Variants in PLCG1 observed in about 807,000 individuals in gnomAD.
The protein encoded by PLCG1 is phospholipase C gamma 1.
In PLCG1, 71 loss-of-function variants were observed where a neutral mutation model predicts 177.8. The ratio of observed to expected loss-of-function variants is 0.40; its 90% CI spans 0.33 to 0.49. The LOEUF (loss-of-function observed/expected upper bound fraction) is 0.49. Among genes scored for constraint, PLCG1 ranks in the 20% least tolerant of loss-of-function variants. The pLI is 0.72. For missense variants in PLCG1, 1,281 were observed against 1,709.0 expected, an observed-to-expected ratio of 0.75 and a Z score of 4.42; for synonymous variants, 658 against 647.9, an observed-to-expected ratio of 1.02 and a Z score of -0.24.
Position 41,172,179 on chromosome 20 carries a change from G to C in PLCG1, c.2809-14G>C, listed in dbSNP as rs1386789459. On this transcript the variant is annotated splice_polypyrimidine_tract_variant and intron_variant, in intron 24 of 31. Coordinates refer to ENST00000685551, the MANE Select transcript of PLCG1 (RefSeq NM_002660.3). The surrounding 1 kb of genome is among the most constrained non-coding windows in gnomAD (Gnocchi z 7.0). ...CTGTAGCCTGGGGCTACAGGGCCTT[G>C]TGTGTGTCACCAGCTCACTGAAGGG... The C allele has an allele frequency of 6.2e-7, 1 of 1,602,966 alleles. No homozygotes were observed. The highest frequency in any genetic ancestry group is 8.5e-7 in the Non-Finnish European group (1 of 1,169,922).
At position 41,166,149 on chromosome 20, in the gene PLCG1, C is replaced by T; in HGVS notation, c.1800-45C>T. 1.9e-6 allele frequency: 3 copies of T among 1,558,092 alleles called. No homozygotes were observed. The highest frequency in any genetic ancestry group is 2.6e-6 in the Non-Finnish European group (3 of 1,137,696). ...TGGGGTGGAACTTGGTCTTTGGGGC[C>T]CTGGCCTGTTTTCCCCAGCCTCCCT... On this transcript the variant is annotated intron_variant, in intron 16 of 31. Transcript: ENST00000685551. The surrounding 1 kb of genome is among the most constrained non-coding windows in gnomAD (Gnocchi z 8.6).
intron 1 of PLCG1, among the ~76,000 whole-genome samples, chr20:41,138,495 T>C (rs1468375598): frequency 3.5e-4 from 53 of 149,854 alleles, no homozygotes; most frequent in Non-Finnish European, 6.3e-4. Flanking sequence ...TTTTTTTTTT[T>C]CTGCTACTTT....
intron 20 of PLCG1, among the ~76,000 whole-genome samples, 184 bp from the exon 21 acceptor site, chr20:41,168,583 C>T (rs1272632525): frequency 2.0e-5 from 3 of 152,240 alleles, no homozygotes; most frequent in Non-Finnish European, 4.4e-5. Flanking sequence ...CATATCTGTC[C>T]TGGAGCTTCC....
chr20:41,166,624 C>T lies in PLCG1; in HGVS notation c.2120+29C>T, dbSNP rs377176541. ...AGGGGTGTGGCACTGGGTTGTGGGGCCTTGCTTGGGTCTGAGCTGCCCTGA... is the reference window on the plus strand; with the variant it reads ...AGGGGTGTGGCACTGGGTTGTGGGGTCTTGCTTGGGTCTGAGCTGCCCTGA... On this transcript the variant is annotated intron_variant, in intron 18 of 31. Transcript: ENST00000685551. The surrounding 1 kb of genome is among the most constrained non-coding windows in gnomAD (Gnocchi z 8.6). The T allele has an allele frequency of 1.2e-5, 20 of 1,614,012 alleles. No homozygotes were observed. Among genetic ancestry groups the T allele is most frequent in the Admixed American group, 1.7e-5 (1 of 60,026 alleles).
At chr20:41,141,382 T>G (rs1184893366) in intron 1 of PLCG1, among the ~76,000 whole-genome samples, 1 of 152,026 alleles carries the variant, frequency 6.6e-6, no homozygotes, top group Non-Finnish European at 1.5e-5. Flanking sequence ...ATGAAGAGGG[T>G]GAGGGTGGCG....
Position 41,173,938 on chromosome 20 carries a change from C to T in PLCG1, c.3572C>T (p.Pro1191Leu). Residue 1191 changes from proline (P) to leucine (L), a missense_variant, in exon 30 of 32, where the codon CCT becomes CTT. Pro to Leu is a moderately conservative substitution (Grantham distance 98, BLOSUM62 -3). This residue lies in a region of PLCG1 where 153 missense variants were observed against 153.2 expected (regional missense o/e 1.00). Coordinates refer to ENST00000685551, the MANE Select transcript of PLCG1 (RefSeq NM_002660.3). The surrounding 1 kb of genome is among the most constrained non-coding windows in gnomAD (Gnocchi z 6.2). ...CTCCTCCTAGGATACAGAGCAGTGC[C>T]TTTGAAGAACAACTACAGTGAGGAC... Reference protein sequence around the residue: ...KGLKTGYRAVPLKNNYSEDLE... With the variant: ...KGLKTGYRAVLLKNNYSEDLE... 6.2e-7 allele frequency: 1 copy of T among 1,614,100 alleles called. No individual in the cohort carries two copies. Among genetic ancestry groups the T allele is most frequent in the South Asian group, 1.1e-5 (1 of 91,090 alleles).
In PLCG1 at chr20:41,144,221, C is replaced by T. The variant is rs1472716365; in HGVS notation, c.217+6363C>T. Among the ~76,000 whole-genome samples, 1 of 152,222 alleles carries T rather than the reference C, an allele frequency of 6.6e-6. No homozygotes were observed. The highest frequency in any genetic ancestry group is 2.4e-5 in the African/African-American group (1 of 41,462). ...GAAAACCAAGCCCTAAGGGTAAGGT[C>T]ACATAGCAAGTTCATGGCAGATCCT... On this transcript the variant is annotated intron_variant, in intron 1 of 31. Coordinates refer to ENST00000685551, the MANE Select transcript of PLCG1 (RefSeq NM_002660.3). This position sits in a 1 kb window ranked among gnomAD's most constrained non-coding sequence, Gnocchi z 4.1.
In PLCG1 at chr20:41,163,771, A is replaced by G; in HGVS notation, c.948A>G (p.Ala316=). Residue 316 remains alanine (A), a synonymous_variant, in exon 10 of 32, where the codon GCA becomes GCG. Coordinates refer to ENST00000685551, the MANE Select transcript of PLCG1 (RefSeq NM_002660.3). This position sits in a 1 kb window ranked among gnomAD's most constrained non-coding sequence, Gnocchi z 5.2. The part of the protein sequence containing the change: ...ENSVWNSQLD[A]VCPDTMNNPL... The stretch of plus-strand genomic sequence containing the variant: ...GTGTGTGGAACTCGCAGCTGGATGC[A>G]GTATGCCCGGACACCATGAACAACC... The G allele has an allele frequency of 6.2e-7, 1 of 1,613,902 alleles. No individual in the cohort carries two copies. The highest frequency in any genetic ancestry group is 1.1e-5 in the South Asian group (1 of 91,078).
chr20:41,172,567 C>G lies in PLCG1; in HGVS notation c.3052C>G (p.Leu1018Val). The G allele has an allele frequency of 6.2e-7, 1 of 1,614,250 alleles. No homozygotes were observed. The highest frequency in any genetic ancestry group is 8.5e-7 in the Non-Finnish European group (1 of 1,180,040). The stretch of plus-strand genomic sequence containing the variant: ...CCGCATCTACCCCAAGGGCCAGCGA[C>G]TGGATTCCTCCAACTACGATCCTTT... ...LSRIYPKGQRLDSSNYDPLPM... is the reference protein window; with the variant it reads ...LSRIYPKGQRVDSSNYDPLPM... The change falls in exon 26 of 32, where the codon CTG becomes GTG. Residue 1018 changes from leucine (L) to valine (V), a missense_variant. Transcript: ENST00000685551. The surrounding 1 kb of genome is among the most constrained non-coding windows in gnomAD (Gnocchi z 7.0).
At position 41,163,899 on chromosome 20, in the gene PLCG1, C is replaced by T. The variant is rs747232106; in HGVS notation, c.1011-22C>T. On this transcript the variant is annotated intron_variant, in intron 10 of 31. Transcript: ENST00000685551. The surrounding 1 kb of genome is among the most constrained non-coding windows in gnomAD (Gnocchi z 5.2). ...GGAGGGCCCATCTGACCATACCTAC[C>T]TGCCTCTCCTTGCCTATCCAGGTAC... 1.2e-6 allele frequency: 2 copies of T among 1,613,022 alleles called. No homozygotes were observed. The highest frequency in any genetic ancestry group is 1.7e-6 in the Non-Finnish European group (2 of 1,179,040).
chr20:41,163,530 C>T lies in PLCG1; in HGVS notation c.891+51C>T. On this transcript the variant is annotated intron_variant, in intron 9 of 31. Transcript: ENST00000685551. The surrounding 1 kb of genome is among the most constrained non-coding windows in gnomAD (Gnocchi z 5.2). The stretch of plus-strand genomic sequence containing the variant: ...TTGTCAAGAGAATGAGTAGGGGTGA[C>T]CAGGACCCCACCCGGGCTCCAGGAG... 7.5e-7 allele frequency: 1 copy of T among 1,337,118 alleles called. No individual in the cohort carries two copies. Among genetic ancestry groups the T allele is most frequent in the Non-Finnish European group, 1.1e-6 (1 of 931,776 alleles). 82.8% of individuals were successfully genotyped at this position (1,337,118 alleles called of 1,614,324 possible).
chr20:41,149,612 GAGAGGA>G (rs1281743137), intron 1 of PLCG1, among the ~76,000 whole-genome samples: 1 of 152,208 alleles, frequency 6.6e-6, no homozygotes, highest in Non-Finnish European at 1.5e-5. Context: ...AGCTTAAGAG[GAGAGGA>G]CTAGGCTAGA....
rs761525640 is a variant in PLCG1, at chr20:41,172,221, GGAA to G, written c.2843_2845del (p.Lys948del). The G allele has an allele frequency of 6.2e-7, 1 of 1,614,076 alleles. No homozygotes were observed. Among genetic ancestry groups the G allele is most frequent in the Admixed American group, 1.7e-5 (1 of 60,030 alleles). ...ACTGAAGGGAAGATAATGGAACGGAGGAAGAAGATTGCCCTGGAGCTCTCTGAA... is the reference window on the plus strand; with the variant it reads ...ACTGAAGGGAAGATAATGGAACGGAGGAAGATTGCCCTGGAGCTCTCTGAA... On this transcript the variant is annotated inframe_deletion, in exon 25 of 32. Coordinates refer to ENST00000685551, the MANE Select transcript of PLCG1 (RefSeq NM_002660.3). This position sits in a 1 kb window ranked among gnomAD's most constrained non-coding sequence, Gnocchi z 7.0.
At chr20:41,141,005 C>T (rs1437237845) in intron 1 of PLCG1, among the ~76,000 whole-genome samples, 1 of 152,174 alleles carries the variant, frequency 6.6e-6, no homozygotes, top group Admixed American at 6.5e-5. Context: ...TGTGCTCAGA[C>T]CATGCATTAC....
rs745410145 is a variant in PLCG1 at position 41,165,434 on chromosome 20, C to CT, written c.1510-13dup. On this transcript the variant is annotated splice_polypyrimidine_tract_variant and intron_variant, in intron 14 of 31. Coordinates refer to ENST00000685551, the MANE Select transcript of PLCG1 (RefSeq NM_002660.3). This position sits in a 1 kb window ranked among gnomAD's most constrained non-coding sequence, Gnocchi z 6.6. ...TGAGGACCCTGGCTCACAAGTCCCT[C>CT]TTTGGTCTGTTCCAGGAATGGTATC... is the stretch of plus-strand genomic sequence containing the variant. 103 of 1,613,830 alleles carry CT rather than the reference C, an allele frequency of 6.4e-5. No homozygotes were observed. The African/African-American group carries it at 1.3e-3, about 21-fold the overall frequency.
rs559871621 is a variant in PLCG1 at position 41,156,949 on chromosome 20, A to G, written c.218-2657A>G. ...ATTTGTTCTGGGAGGCAGGAAGATG[A>G]AGGGTGAGGTTGGGAGGTAGCACAG... On this transcript the variant is annotated intron_variant, in intron 1 of 31. Coordinates refer to ENST00000685551, the MANE Select transcript of PLCG1 (RefSeq NM_002660.3). The surrounding 1 kb of genome is among the most constrained non-coding windows in gnomAD (Gnocchi z 5.0). Among the ~76,000 whole-genome samples the G allele has an allele frequency of 2.6e-3, 392 of 152,334 alleles. 3 individuals are homozygous for G. Among genetic ancestry groups the G allele is most frequent in the African/African-American group, 8.8e-3 (367 of 41,568 alleles).
At position 41,173,810 on chromosome 20, in the gene PLCG1, A is replaced by G; in HGVS notation, c.3553A>G (p.Thr1185Ala). ...TACTTTCCCAGTAAAAGGCCTGAAG[A>G]CAGGTGAGGACCATTCCTGGAGGCA... ...QATFPVKGLKTGYRAVPLKNN... is the reference protein window; with the variant it reads ...QATFPVKGLKAGYRAVPLKNN... Residue 1185 changes from threonine (T) to alanine (A), a missense_variant, in exon 29 of 32, where the codon ACA becomes GCA. Thr to Ala is a moderately conservative substitution (Grantham distance 58). This residue lies in a region of PLCG1 where 153 missense variants were observed against 153.2 expected (regional missense o/e 1.00). Coordinates refer to ENST00000685551, the MANE Select transcript of PLCG1 (RefSeq NM_002660.3). The surrounding 1 kb of genome is among the most constrained non-coding windows in gnomAD (Gnocchi z 6.2). 2 of 1,613,406 alleles carry G rather than the reference A, an allele frequency of 1.2e-6. No individual in the cohort carries two copies. Among genetic ancestry groups the G allele is most frequent in the Non-Finnish European group, 1.7e-6 (2 of 1,179,546 alleles).
rs554016137 is a variant in PLCG1 at position 41,162,630 on chromosome 20, T to C, written c.598-12T>C. The C allele has an allele frequency of 5.0e-6, 8 of 1,611,376 alleles. No homozygotes were observed. Among genetic ancestry groups the C allele is most frequent in the Non-Finnish European group, 6.8e-6 (8 of 1,177,582 alleles). The stretch of plus-strand genomic sequence containing the variant: ...GACTGCCTGACTGGCACTCCTGCTC[T>C]ATACCATGCAGGACCTGGAGCAGCG... On this transcript the variant is annotated splice_polypyrimidine_tract_variant and intron_variant, in intron 5 of 31. Transcript: ENST00000685551.
chr20:41,165,519 C>A lies in PLCG1; in HGVS notation c.1579C>A (p.Gln527Lys). Residue 527 changes from glutamine (Q) to lysine (K), a missense_variant, in exon 15 of 32, where the codon CAG becomes AAG. Physicochemically the swap from Gln to Lys is moderately conservative, Grantham distance 53 (BLOSUM62 1). This residue lies in a region of PLCG1 where 723 missense variants were observed against 1,030.0 expected (regional missense o/e 0.70). Coordinates refer to ENST00000685551, the MANE Select transcript of PLCG1 (RefSeq NM_002660.3). The surrounding 1 kb of genome is among the most constrained non-coding windows in gnomAD (Gnocchi z 6.6). Reference protein sequence around the residue: ...IYYSEETSSDQGNEDEEEPKE... With the variant: ...IYYSEETSSDKGNEDEEEPKE... ...CTACTCTGAGGAGACCAGCAGTGAC[C>A]AGGGCAACGAGGATGAGGAGGAGCC... The A allele has an allele frequency of 6.2e-7, 1 of 1,613,954 alleles. No individual in the cohort carries two copies. The highest frequency in any genetic ancestry group is 1.1e-5 in the South Asian group (1 of 91,052).
Sources: gnomAD v4.1 joint callset for allele counts (sites outside exome capture counted in the v4.1 genomes callset) on GRCh38, gnomAD v4.1.1 for gene constraint, gnomAD v4.1.1 regional missense constraint, Gnocchi (gnomAD v3.1) non-coding constraint, MANE v1.5 for transcripts, NCBI Gene and HGNC (gene_info 2026-07-23, HGNC 2026-07-21) for gene names.